Variants in D2HGDH observed in about 807,000 individuals in gnomAD.
D2HGDH encodes D-2-hydroxyglutarate dehydrogenase.
A neutral mutation model predicts 46.9 loss-of-function variants in D2HGDH; 31 were observed. The observed-to-expected ratio is 0.66, with a 90% CI of 0.50 to 0.89. The LOEUF (loss-of-function observed/expected upper bound fraction) is 0.89, where lower values mean the gene tolerates loss of function less well. Among genes scored for constraint, D2HGDH ranks in the 40% least tolerant of loss-of-function variants. The pLI, the probability that D2HGDH is intolerant of heterozygous loss-of-function variation, is 0.00. For missense variants in D2HGDH, 698 were observed against 720.8 expected, an observed-to-expected ratio of 0.97 and a Z score of 0.36; for synonymous variants, 364 against 332.6, an observed-to-expected ratio of 1.09 and a Z score of -1.03.
chr2:241,756,396 C>T lies in D2HGDH; in HGVS notation c.1306+382C>T, dbSNP rs977572137. On this transcript the variant is annotated intron_variant, in intron 9 of 9. Transcript: ENST00000321264. ...GCCCCGAGGCCTTTGCAGTGCTTAG[C>T]CCCCAGCTGCTCTACCCCTTCAGAT... Among the ~76,000 whole-genome samples the T allele has an allele frequency of 1.6e-4, 25 of 152,238 alleles. 1 individual carries two copies. Among genetic ancestry groups the T allele is most frequent in the Admixed American group, 4.6e-4 (7 of 15,288 alleles).
rs767499416 is a variant in D2HGDH at position 241,744,774 on chromosome 2, C to T, written c.750C>T (p.Asp250=). ...TGAGGAAGGACAACACGGGCTATGACCTGAAGCAGCTGTTCATCGGGTCGG... is the reference window on the plus strand; with the variant it reads ...TGAGGAAGGACAACACGGGCTATGATCTGAAGCAGCTGTTCATCGGGTCGG... ...TSLRKDNTGY[D]LKQLFIGSEG... is the part of the protein sequence containing the mutation. Residue 250 remains aspartate, a synonymous_variant, in exon 6 of 10, where the codon GAC becomes GAT. Coordinates refer to ENST00000321264, the MANE Select transcript of D2HGDH (RefSeq NM_152783.5). 6.2e-7 allele frequency: 1 copy of T among 1,614,238 alleles called. No homozygotes were observed. The highest frequency in any genetic ancestry group is 1.1e-5 in the South Asian group (1 of 91,092).
At chr2:241,751,944 C>T (rs1182423544) in intron 8 of D2HGDH, among the ~76,000 whole-genome samples, 1 of 148,760 alleles carries the variant, frequency 6.7e-6, no homozygotes, top group Non-Finnish European at 1.5e-5. Flanking sequence ...CCTCGGTCAC[C>T]GTCACCGGGG....
At position 241,767,823 on chromosome 2, in the gene D2HGDH, G is replaced by A. The variant is rs768238728; in HGVS notation, c.1420G>A (p.Ala474Thr). Residue 474 changes from alanine to threonine, a missense_variant, in exon 10 of 10, where the codon GCG (alanine) becomes ACG (threonine). By Grantham distance (58) the Ala-to-Thr change is moderately conservative. Transcript: ENST00000321264. ...GGCCGGGCAGCAGGGCAGCGTCAGCGCGGAGCACGGAGTGGGCTTCAGGAA... is the reference window on the plus strand; with the variant it reads ...GGCCGGGCAGCAGGGCAGCGTCAGCACGGAGCACGGAGTGGGCTTCAGGAA... ...WTAGQQGSVS[A>T]EHGVGFRKRD... is the part of the protein sequence containing the mutation. 15 of 1,612,380 alleles carry A rather than the reference G, an allele frequency of 9.3e-6. No individual in the cohort carries two copies. The highest frequency in any genetic ancestry group is 3.3e-5 in the Admixed American group (2 of 59,926).
At chr2:241,755,148 G>A in intron 8 of D2HGDH, 4 of 1,303,846 alleles carry the variant, frequency 3.1e-6, no homozygotes, top group South Asian at 1.2e-5. Flanking sequence ...CACCAGCACC[G>A]TCTGCTCCTC....
In D2HGDH at chr2:241,764,126, G is replaced by A. The variant is rs898390465; in HGVS notation, c.1307-3584G>A. Among the ~76,000 whole-genome samples the A allele has an allele frequency of 7.2e-5, 11 of 152,322 alleles. No homozygotes were observed. In the East Asian group the frequency reaches 1.5e-3, roughly 21 times the overall value. On this transcript the variant is annotated intron_variant, in intron 9 of 9. Coordinates refer to ENST00000321264, the MANE Select transcript of D2HGDH (RefSeq NM_152783.5). ...ACCAGTCCTTCCTGGGCAAGTCCCC[G>A]GGCAGGGGATGTGTTCAGCCCTCTC...
At chr2:241,760,634 C>T (rs1698707541) in intron 9 of D2HGDH, among the ~76,000 whole-genome samples, 2 of 151,378 alleles carry the variant, frequency 1.3e-5, no homozygotes, top group South Asian at 4.2e-4. Flanking sequence ...AGTCGAAGTC[C>T]TTTGCCACAG....
rs765266342 is a variant in D2HGDH at position 241,751,328 on chromosome 2, C to T, written c.1080C>T (p.His360=). 71 of 1,613,708 alleles carry T rather than the reference C, an allele frequency of 4.4e-5. No individual in the cohort carries two copies. The highest frequency in any genetic ancestry group is 5.3e-5 in the Non-Finnish European group (62 of 1,180,046). The change falls in exon 8 of 10, where the codon CAC becomes CAT. Residue 360 remains histidine (H), a synonymous_variant. Transcript: ENST00000321264. ...AGAAGCTGGGCCACTTCCTGGAGCA[C>T]GCGCTGGGCTCCGGCCTGGTGACCG... is the stretch of plus-strand genomic sequence containing the variant. ...DAEKLGHFLE[H]ALGSGLVTDG...
At chr2:241,755,744 T>G in intron 8 of D2HGDH, 105 bp from the exon 9 acceptor site, 1 of 1,609,670 alleles carries the variant, frequency 6.2e-7, no homozygotes, top group East Asian at 2.2e-5. Flanking sequence ...CCTCACCTGG[T>G]GAAGATACAG....
chr2:241,756,336 G>A (rs1698175860), intron 9 of D2HGDH, among the ~76,000 whole-genome samples: 1 of 152,248 alleles, frequency 6.6e-6, no homozygotes, highest in Non-Finnish European at 1.5e-5. Flanking sequence ...CGGAGTCCGG[G>A]ATGCGGGTCT....
chr2:241,761,933 T>G (rs1314119115), intron 9 of D2HGDH, among the ~76,000 whole-genome samples: 3 of 152,098 alleles, frequency 2.0e-5, no homozygotes, highest in Non-Finnish European at 4.4e-5. Context: ...TGACAGTTGC[T>G]TCCCAGCAGC....
At chr2:241,740,357 T>C (rs1368026246) in intron 2 of D2HGDH, among the ~76,000 whole-genome samples, 2 of 152,078 alleles carry the variant, frequency 1.3e-5, no homozygotes, top group Non-Finnish European at 2.9e-5. Context: ...GAGGGAAGCC[T>C]GCAGACATCC....
chr2:241,735,573 C>T, intron 2 of D2HGDH, 57 bp downstream of exon 2: 2 of 1,591,256 alleles, frequency 1.3e-6, no homozygotes, highest in Non-Finnish European at 1.7e-6. Context: ...CTGCGCCTTC[C>T]CGTGGAGGCT....
At position 241,768,084 on chromosome 2, in the gene D2HGDH, G is replaced by C; in HGVS notation, c.*115G>C. 7.1e-7 allele frequency: 1 copy of C among 1,417,282 alleles called. No homozygotes were observed. Among genetic ancestry groups the C allele is most frequent in the Non-Finnish European group, 9.4e-7 (1 of 1,068,486 alleles). The allele number at this position is 1,417,282 out of a possible 1,614,324, so 87.8% of individuals were successfully genotyped here. On this transcript the variant is annotated 3_prime_UTR_variant, in exon 10 of 10. Transcript: ENST00000321264. Reference sequence around the variant, plus strand: ...CAGTGGGCAGGGGACCAGGCACCTGGTTGAAGGGACTGGGAGCCCGCACTG... The same window carrying C: ...CAGTGGGCAGGGGACCAGGCACCTGCTTGAAGGGACTGGGAGCCCGCACTG...
In D2HGDH at chr2:241,763,512, G is replaced by T. The variant is rs539653094; in HGVS notation, c.1307-4198G>T. Among the ~76,000 whole-genome samples the T allele has an allele frequency of 4.6e-5, 7 of 152,294 alleles. No homozygotes were observed. In the South Asian group the frequency reaches 1.2e-3, roughly 27 times the overall value. Reference sequence around the variant, plus strand: ...GGCGAGGCAGTGGGTGAGCGTGAGGGGTTGCGAAGGCCTAGGAGATGACCG... The same window carrying T: ...GGCGAGGCAGTGGGTGAGCGTGAGGTGTTGCGAAGGCCTAGGAGATGACCG... On this transcript the variant is annotated intron_variant, in intron 9 of 9. Transcript: ENST00000321264.
At chr2:241,734,875 A>C in intron 1 of D2HGDH, 180 bp downstream of exon 1, 4 of 244,040 alleles carry the variant, frequency 1.6e-5, no homozygotes, top group Non-Finnish European at 7.9e-6. Flanking sequence ...CGTCCGCGGG[A>C]TCCCCTCGGG....
chr2:241,749,688 A>T (rs760650230), intron 6 of D2HGDH: 7 of 325,670 alleles, frequency 2.1e-5, no homozygotes, highest in Non-Finnish European at 1.8e-5. Flanking sequence ...TCTGAGTCCC[A>T]CTGCCGTCTC....
chr2:241,751,604 C>T (rs1022739813), intron 8 of D2HGDH, among the ~76,000 whole-genome samples: 4 of 152,220 alleles, frequency 2.6e-5, no homozygotes, highest in Non-Finnish European at 4.4e-5. Flanking sequence ...GTACTTCCTC[C>T]CCACCATGAC....
In D2HGDH at chr2:241,741,025, T is replaced by G. The variant is rs1482155156; in HGVS notation, c.293-8T>G. ...ACGCTGTCTCATAGGATCTTCTTCC[T>G]GTCACAGGCTGTAGCAAGGTGCTGC... is the stretch of plus-strand genomic sequence containing the variant. On this transcript the variant is annotated splice_region_variant and splice_polypyrimidine_tract_variant and intron_variant, in intron 2 of 9. Transcript: ENST00000321264. The G allele has an allele frequency of 1.2e-6, 2 of 1,613,662 alleles. No homozygotes were observed. The highest frequency in any genetic ancestry group is 2.2e-5 in the South Asian group (2 of 91,032).
intron 9 of D2HGDH, among the ~76,000 whole-genome samples, chr2:241,761,812 C>T (rs1352656553): frequency 1.3e-5 from 2 of 151,974 alleles, no homozygotes; most frequent in East Asian, 3.9e-4. Flanking sequence ...CAGAATTTTC[C>T]CTGGCATGGA....
Sources: allele counts gnomAD v4.1 joint callset (sites outside exome capture counted in the v4.1 genomes callset), GRCh38; gene constraint gnomAD v4.1.1; transcripts MANE v1.5; gene names NCBI Gene and HGNC (gene_info 2026-07-23, HGNC 2026-07-21).